The following CELF5 variants were observed in gnomAD, a reference collection of about 807,000 sequenced individuals.
CELF5 encodes CUG-BP and ETR-3 like factor 5.
In CELF5, 6 loss-of-function variants were observed where a neutral mutation model predicts 54.9. The observed-to-expected ratio is 0.11, with a 90% confidence interval of 0.06 to 0.22. CELF5 has a LOEUF of 0.22. CELF5 is among the 10% of genes least tolerant of loss of function. The pLI is 1.00. For synonymous variants in CELF5, 271 were observed against 290.9 expected, an observed-to-expected ratio of 0.93 and a Z score of 0.70; for missense variants, 401 against 678.6, an observed-to-expected ratio of 0.59 and a Z score of 4.54.
chr19:3,282,324 C>T lies in CELF5; in HGVS notation c.893-28C>T, dbSNP rs1458142750. The T allele has an allele frequency of 1.2e-6, 2 of 1,608,270 alleles. No homozygotes were observed. Among genetic ancestry groups the T allele is most frequent in the African/African-American group, 2.7e-5 (2 of 74,934 alleles). On this transcript the variant is annotated intron_variant, in intron 7 of 12. Coordinates refer to ENST00000292672, the MANE Select transcript of CELF5 (RefSeq NM_021938.4). The surrounding 1 kb of genome is among the most constrained non-coding windows in gnomAD (Gnocchi z 5.2). The stretch of plus-strand genomic sequence containing the variant: ...GGGCAGGGCTGGAGCCAGAACTGGC[C>T]TCCCCATGACCCTCTTCCGCTCTGC...
intron 2 of CELF5, among the ~76,000 whole-genome samples, chr19:3,271,808 G>A (rs1423030011): frequency 3.9e-5 from 6 of 152,168 alleles, no homozygotes; most frequent in Middle Eastern, 3.4e-3. Flanking sequence ...GAGCTGGAAC[G>A]GGTCTTAGAG....
At chr19:3,276,316 G>T (rs1372013142) in intron 4 of CELF5, among the ~76,000 whole-genome samples, 1 of 144,870 alleles carries the variant, frequency 6.9e-6, no homozygotes, top group African/African-American at 2.6e-5. Flanking sequence ...AGGTGTGGCT[G>T]CAGGGGTGGG....
At chr19:3,289,467 A>G (rs1369877551) in intron 10 of CELF5, among the ~76,000 whole-genome samples, 1 of 152,050 alleles carries the variant, frequency 6.6e-6, no homozygotes, top group East Asian at 1.9e-4. Context: ...AGATCACTTG[A>G]GGTCAGGAGT....
chr19:3,274,125 G>A (rs753171044), intron 3 of CELF5, among the ~76,000 whole-genome samples: 41 of 151,262 alleles, frequency 2.7e-4, no homozygotes, highest in Non-Finnish European at 2.9e-4. Flanking sequence ...GTTCCAGAGA[G>A]CAGAAGGGGC....
intron 12 of CELF5, chr19:3,296,337 A>G (rs2080445113): frequency 1.5e-4 from 1 of 6,618 alleles, no homozygotes; most frequent in Non-Finnish European, 2.9e-4. Context: ...AAAAAGAAAG[A>G]AAAAAAAAAA....
At chr19:3,258,436 T>C (rs2079762171) in intron 2 of CELF5, among the ~76,000 whole-genome samples, 1 of 151,408 alleles carries the variant, frequency 6.6e-6, no homozygotes, top group Non-Finnish European at 1.5e-5. Context: ...TCTGTGTCCC[T>C]TTGCTTTTCT....
intron 8 of CELF5, 123 bp from the exon 9 acceptor site, chr19:3,284,779 G>A: frequency 1.2e-6 from 1 of 824,592 alleles, no homozygotes; most frequent in Non-Finnish European, 2.0e-6. Context: ...TCCTACAGAG[G>A]GTTTAGCACA....
rs776835937 is a variant in CELF5 at position 3,276,761 on chromosome 19, T to C, written c.523+777T>C. On this transcript the variant is annotated intron_variant, in intron 4 of 12. Transcript: ENST00000292672. ...GGCTTCTCCAGGGGCTGCTTATGGA[T>C]GGGGATGCAGGGGCAGTACCTTGGG... Among the ~76,000 whole-genome samples the C allele has an allele frequency of 1.0e-3, 140 of 135,668 alleles. 2 individuals are homozygous for C. The highest frequency in any genetic ancestry group is 1.6e-3 in the Non-Finnish European group (103 of 62,736). 89.0% of individuals were successfully genotyped at this position (135,668 alleles called of 152,430 possible). A position where few individuals can be genotyped will look rare whatever the true frequency, so the allele number is the denominator to read the frequency against.
intron 10 of CELF5, chr19:3,286,340 ATGGCACGATGAGGTATCAGG>A (rs2080247971): frequency 2.8e-6 from 1 of 361,152 alleles, no homozygotes; most frequent in East Asian, 4.7e-5. Flanking sequence ...AGGCTGGGGC[ATGGCACGATGAGGTATCAGG>A]TAATGAGGCC....
At position 3,293,451 on chromosome 19, in the gene CELF5, G is replaced by T. The variant is rs201376475; in HGVS notation, c.*5G>T. 1.2e-6 allele frequency: 2 copies of T among 1,613,740 alleles called. No homozygotes were observed. The highest frequency in any genetic ancestry group is 1.1e-5 in the South Asian group (1 of 91,058). ...GACCCGGGACACCCCTACTGACCGCGCCCACAGCCGCCCTGAGGCTGTAGG... is the reference window on the plus strand; with the variant it reads ...GACCCGGGACACCCCTACTGACCGCTCCCACAGCCGCCCTGAGGCTGTAGG... On this transcript the variant is annotated 3_prime_UTR_variant, in exon 12 of 13. Coordinates refer to ENST00000292672, the MANE Select transcript of CELF5 (RefSeq NM_021938.4).
chr19:3,262,625 G>C (rs1458433577), intron 2 of CELF5, among the ~76,000 whole-genome samples: 2 of 152,118 alleles, frequency 1.3e-5, no homozygotes. Flanking sequence ...CTAGAGTCTA[G>C]AATCTAAAGC....
chr19:3,292,753 G>C (rs2080372978), intron 11 of CELF5, among the ~76,000 whole-genome samples: 1 of 152,150 alleles, frequency 6.6e-6, no homozygotes, highest in African/African-American at 2.4e-5. Flanking sequence ...ACAGTTAGCT[G>C]GGCATGGTGG....
At chr19:3,290,504 G>T in intron 11 of CELF5, 130 bp downstream of exon 11, 1 of 979,980 alleles carries the variant, frequency 1.0e-6, no homozygotes. Flanking sequence ...CCAGCCTGTG[G>T]CCGGGCACAG....
chr19:3,246,774 G>A (rs2079573296), intron 1 of CELF5, among the ~76,000 whole-genome samples: 1 of 152,128 alleles, frequency 6.6e-6, no homozygotes, highest in Admixed American at 6.6e-5. Flanking sequence ...GCCCCAAATA[G>A]CAAACATCCC....
intron 2 of CELF5, among the ~76,000 whole-genome samples, chr19:3,256,358 G>A (rs910782292): frequency 6.6e-6 from 1 of 151,982 alleles, no homozygotes; most frequent in Admixed American, 6.6e-5. Flanking sequence ...AGCCCCTCAA[G>A]GGCAGTCCCT....
At chr19:3,247,270 G>T (rs1282696192) in intron 1 of CELF5, among the ~76,000 whole-genome samples, 1 of 152,110 alleles carries the variant, frequency 6.6e-6, no homozygotes, top group Admixed American at 6.5e-5. Flanking sequence ...GGGACTACAG[G>T]CCCCTGCCAC....
chr19:3,266,601 A>G (rs537999378), intron 2 of CELF5, among the ~76,000 whole-genome samples: 3 of 152,286 alleles, frequency 2.0e-5, no homozygotes, highest in South Asian at 2.1e-4. Context: ...TGAGACAAAT[A>G]GAGATCCTCA....
intron 2 of CELF5, among the ~76,000 whole-genome samples, chr19:3,253,414 C>T (rs1022831390): frequency 6.6e-6 from 1 of 152,152 alleles, no homozygotes; most frequent in Non-Finnish European, 1.5e-5. Context: ...CAAGCTGGCT[C>T]CCTCTAGTGA....
intron 12 of CELF5, chr19:3,296,101 A>C (rs1374675439): frequency 6.7e-6 from 1 of 150,288 alleles, no homozygotes; most frequent in African/African-American, 2.5e-5. Flanking sequence ...ACAAAGAAGA[A>C]AAGAGAAGAA....
Sources: allele counts gnomAD v4.1 joint callset (sites outside exome capture counted in the v4.1 genomes callset), GRCh38; gene constraint gnomAD v4.1.1; non-coding constraint Gnocchi (gnomAD v3.1); transcripts MANE v1.5; gene names NCBI Gene and HGNC (gene_info 2026-07-23, HGNC 2026-07-21).